CHL1: variants seen among roughly 807,000 people sequenced by gnomAD.
CHL1 encodes the protein cell adhesion molecule L1 like, also known as neural cell adhesion molecule L1-like protein.
CHL1 carries 96 observed loss-of-function variants against 141.9 expected under a neutral mutation model. The observed-to-expected ratio is 0.68, with a 90% CI of 0.57 to 0.80. The LOEUF (loss-of-function observed/expected upper bound fraction) is 0.80, where lower values mean the gene tolerates loss of function less well. Among genes scored for constraint, CHL1 ranks in the 30% least tolerant of loss-of-function variants. CHL1 has a pLI of 0.00. For missense variants in CHL1, 1,820 were observed against 1,457.2 expected (o/e 1.25, Z -4.05); for synonymous variants, 613 against 502.2 (o/e 1.22, Z -2.95).
chr3:257,277 A>G (rs192667471), intron 2 of CHL1, among the ~76,000 whole-genome samples: 11 of 152,154 alleles, frequency 7.2e-5, no homozygotes, highest in Admixed American at 5.2e-4. Context: ...TTTCAGGTAG[A>G]GTCAAAGGCT....
intron 5 of CHL1, among the ~76,000 whole-genome samples, chr3:333,589 C>G (rs1055253466): frequency 1.3e-5 from 2 of 152,046 alleles, no homozygotes; most frequent in Admixed American, 6.6e-5. Flanking sequence ...ATGTATTATC[C>G]AAGACATGGC....
intron 27 of CHL1, among the ~76,000 whole-genome samples, chr3:402,321 C>T (rs978638184): frequency 6.6e-6 from 1 of 152,076 alleles, no homozygotes; most frequent in Non-Finnish European, 1.5e-5. Context: ...GAGGGTGTGT[C>T]GGGCAAGGGA....
chr3:323,102 T>A (rs1243718792), intron 3 of CHL1, among the ~76,000 whole-genome samples: 2 of 152,002 alleles, frequency 1.3e-5, no homozygotes, highest in African/African-American at 2.4e-5. Context: ...GAGCTGGACA[T>A]CATCTTTACT....
intron 2 of CHL1, among the ~76,000 whole-genome samples, chr3:274,022 C>G (rs1413299505): frequency 6.6e-6 from 1 of 152,174 alleles, no homozygotes; most frequent in Non-Finnish European, 1.5e-5. Context: ...CAGGGAGGCT[C>G]CTCTCTGACC....
At chr3:218,677 G>T (rs1700543385) in intron 1 of CHL1, among the ~76,000 whole-genome samples, 1 of 152,054 alleles carries the variant, frequency 6.6e-6, no homozygotes, top group South Asian at 2.1e-4. Context: ...TATGTGAAAT[G>T]ATATGATTTA....
chr3:275,187 C>T (rs766626630), intron 2 of CHL1, among the ~76,000 whole-genome samples: 3 of 152,226 alleles, frequency 2.0e-5, no homozygotes, highest in Non-Finnish European at 4.4e-5. Flanking sequence ...CAAGTGTACA[C>T]AGCTGCTAAG....
chr3:268,408 A>G (rs574056022), intron 2 of CHL1, among the ~76,000 whole-genome samples: 3 of 151,990 alleles, frequency 2.0e-5, no homozygotes, highest in Non-Finnish European at 2.9e-5. Flanking sequence ...AGTGGTGGGC[A>G]CCTGTAATCC....
At chr3:309,611 G>A (rs1699582848) in intron 2 of CHL1, among the ~76,000 whole-genome samples, 1 of 151,794 alleles carries the variant, frequency 6.6e-6, no homozygotes, top group African/African-American at 2.4e-5. Context: ...TGGGGCTCAA[G>A]CAATCCTCCA....
rs79537189 is a variant in CHL1, at chr3:365,838, G to A, written c.1586-112G>A. On this transcript the variant is annotated intron_variant, in intron 14 of 27. Coordinates refer to ENST00000256509, the MANE Select transcript of CHL1 (RefSeq NM_006614.4). ...AGGAAATTACAGTGGGACAAACCCT[G>A]CATGAGGATTGGACAGTTATGGTGA... is the stretch of plus-strand genomic sequence containing the variant. 1.3e-5 allele frequency: 9 copies of A among 706,624 alleles called. No individual in the cohort carries two copies. The East Asian group carries it at 2.6e-4, about 20-fold the overall frequency. 43.8% of individuals were successfully genotyped at this position (706,624 alleles called of 1,614,324 possible).
intron 1 of CHL1, among the ~76,000 whole-genome samples, chr3:235,154 T>A (rs1210901599): frequency 6.6e-6 from 1 of 151,970 alleles, no homozygotes; most frequent in East Asian, 1.9e-4. Flanking sequence ...CCCTCCCCCC[T>A]CTTTCTAAAC....
At chr3:376,105 A>G (rs1428759611) in intron 15 of CHL1, among the ~76,000 whole-genome samples, 1 of 152,210 alleles carries the variant, frequency 6.6e-6, no homozygotes, top group African/African-American at 2.4e-5. Context: ...TAAGAGTTCA[A>G]GTGTTATGAG....
chr3:317,602 G>T (rs1159759353), intron 2 of CHL1, among the ~76,000 whole-genome samples: 1 of 148,652 alleles, frequency 6.7e-6, no homozygotes, highest in African/African-American at 2.5e-5. Context: ...TGCAAGTAAA[G>T]ATTGATATAT....
intron 2 of CHL1, among the ~76,000 whole-genome samples, chr3:266,285 A>T (rs1695140225): frequency 6.6e-6 from 1 of 152,094 alleles, no homozygotes; most frequent in Non-Finnish European, 1.5e-5. Context: ...AGTGGCTCTG[A>T]TGGGGACCTG....
At chr3:320,670 C>A (rs79375727) in intron 3 of CHL1, among the ~76,000 whole-genome samples, 2 of 151,672 alleles carry the variant, frequency 1.3e-5, no homozygotes, top group Admixed American at 6.6e-5. Flanking sequence ...TGCACGCCAA[C>A]CTGGACAATA....
intron 1 of CHL1, among the ~76,000 whole-genome samples, chr3:232,767 G>T (rs1381223808): frequency 6.6e-6 from 1 of 151,976 alleles, no homozygotes; most frequent in Non-Finnish European, 1.5e-5. Flanking sequence ...AAAAAAAAAT[G>T]AAGAAAGAGA....
chr3:387,972 A>C (rs1030927074), intron 19 of CHL1, among the ~76,000 whole-genome samples: 1 of 152,196 alleles, frequency 6.6e-6, no homozygotes, highest in South Asian at 2.1e-4. Context: ...GTTTTAGTAA[A>C]TTAGATTAAG....
chr3:363,017 C>G (rs1318417925), intron 13 of CHL1, among the ~76,000 whole-genome samples, 200 bp from the exon 14 acceptor site: 1 of 152,168 alleles, frequency 6.6e-6, no homozygotes. Flanking sequence ...CTTGGATTTT[C>G]TATAGCCACA....
intron 1 of CHL1, among the ~76,000 whole-genome samples, chr3:210,090 T>A (rs1699777419): frequency 1.3e-5 from 2 of 152,342 alleles, no homozygotes; most frequent in East Asian, 1.9e-4. Flanking sequence ...TCTTGGGGTA[T>A]CTGTAGGGAT....
intron 1 of CHL1, among the ~76,000 whole-genome samples, chr3:228,813 A>G (rs1480095372): frequency 6.6e-6 from 1 of 152,192 alleles, no homozygotes; most frequent in Non-Finnish European, 1.5e-5. Flanking sequence ...TAAACTCAAA[A>G]TAGAATGTCT....
Sources: gnomAD v4.1 joint callset for allele counts (sites outside exome capture counted in the v4.1 genomes callset) on GRCh38, gnomAD v4.1.1 for gene constraint, MANE v1.5 for transcripts, NCBI Gene and HGNC (gene_info 2026-07-23, HGNC 2026-07-21) for gene names.